The following CCNH variants were observed in gnomAD, a reference collection of about 807,000 sequenced individuals.
CCNH encodes cyclin H.
A neutral mutation model predicts 41.9 loss-of-function variants in CCNH; 31 were observed. The observed-to-expected ratio is 0.74, with a 90% CI of 0.56 to 1.00. The LOEUF is 1.00. CCNH is among the 50% of genes least tolerant of loss of function. CCNH has a pLI of 0.00. For synonymous variants in CCNH, 138 were observed against 136.1 expected, an observed-to-expected ratio of 1.01 and a Z score of -0.10; for missense variants, 362 against 388.4, an observed-to-expected ratio of 0.93 and a Z score of 0.57.
chr5:87,335,083 T>C (rs1201159716), intron 9 of CCNH, among the ~76,000 whole-genome samples: 1 of 152,160 alleles, frequency 6.6e-6, no homozygotes, highest in African/African-American at 2.4e-5. Flanking sequence ...GGTTTTGCCA[T>C]GTTGGCCAGG....
At chr5:87,397,334 A>AT (rs1452199536) in intron 7 of CCNH, among the ~76,000 whole-genome samples, 1 of 151,852 alleles carries the variant, frequency 6.6e-6, no homozygotes, top group African/African-American at 2.4e-5. Flanking sequence ...TGATTATTGT[A>AT]TTTTTAGTAG....
intron 9 of CCNH, chr5:87,349,488 T>C: frequency 8.9e-7 from 1 of 1,122,268 alleles, no homozygotes; most frequent in Non-Finnish European, 1.3e-6. Flanking sequence ...AGACCTTCAA[T>C]ATAATTTCAT....
chr5:87,324,264 G>A (rs575765773), intron 9 of CCNH, among the ~76,000 whole-genome samples: 2 of 152,302 alleles, frequency 1.3e-5, no homozygotes, highest in South Asian at 2.1e-4. Flanking sequence ...CCTCCTGCTA[G>A]TAGGTATTGT....
At position 87,394,405 on chromosome 5, in the gene CCNH, T is replaced by C. The variant is rs765806530; in HGVS notation, c.*41A>G. 7 of 1,601,914 alleles carry C rather than the reference T, an allele frequency of 4.4e-6. No homozygotes were observed. The African/African-American group carries it at 8.1e-5, about 18-fold the overall frequency. ...GTTAAACGTTTGATATGCTTCCTACTTCTCTTGATTAGTTAGCATTGAGAA... is the reference window on the plus strand; with the variant it reads ...GTTAAACGTTTGATATGCTTCCTACCTCTCTTGATTAGTTAGCATTGAGAA... On this transcript the variant is annotated 3_prime_UTR_variant, in exon 9 of 9. Transcript: ENST00000256897.
Position 87,358,589 on chromosome 5 carries a change from C to T in CCNH, c.*90+34181G>A, listed in dbSNP as rs75968164. On this transcript the variant is annotated intron_variant and NMD_transcript_variant, in intron 9 of 9. Transcript: ENST00000645953. ...TAGCTTTGTCCCCTTATGCTGCATGCTGCGCAGCAGTCACTGGGATCCATT... is the reference window on the plus strand; with the variant it reads ...TAGCTTTGTCCCCTTATGCTGCATGTTGCGCAGCAGTCACTGGGATCCATT... Among the ~76,000 whole-genome samples the T allele has an allele frequency of 7.5e-3, 1,136 of 152,274 alleles. 18 individuals carry two copies. Among genetic ancestry groups the T allele is most frequent in the African/African-American group, 0.026 (1,098 of 41,560 alleles).
chr5:87,342,560 T>A (rs919204668), intron 9 of CCNH, among the ~76,000 whole-genome samples: 2 of 152,150 alleles, frequency 1.3e-5, no homozygotes, highest in Non-Finnish European at 2.9e-5. Flanking sequence ...TTAGACACAA[T>A]AATCTTGATC....
At chr5:87,389,673 A>T, downstream of CCNH, 1 of 1,114,170 alleles carries the variant, frequency 9.0e-7, no homozygotes, top group South Asian at 1.4e-5. Flanking sequence ...ATCTCAGCAG[A>T]CAGAAATAAC....
intron 5 of CCNH, among the ~76,000 whole-genome samples, chr5:87,403,936 A>G (rs1199790770): frequency 6.6e-6 from 1 of 152,252 alleles, no homozygotes; most frequent in Non-Finnish European, 1.5e-5. Flanking sequence ...CATAGAAGGT[A>G]TCTAATAAAT....
chr5:87,367,048 AAAC>A (rs1184754335), intron 9 of CCNH, among the ~76,000 whole-genome samples: 3 of 152,200 alleles, frequency 2.0e-5, no homozygotes, highest in Non-Finnish European at 4.4e-5. Flanking sequence ...ACTAAACCAA[AAAC>A]AACAACAAAA....
At chr5:87,338,492 C>T (rs112932947) in intron 9 of CCNH, among the ~76,000 whole-genome samples, 2,062 of 114,308 alleles carry the variant, frequency 0.018, 47 homozygotes, top group African/African-American at 0.045. Context: ...CCACCATGCC[C>T]AGCTAATTTT....
chr5:87,348,403 G>A (rs1246938988), intron 9 of CCNH, among the ~76,000 whole-genome samples: 2 of 151,940 alleles, frequency 1.3e-5, no homozygotes, highest in African/African-American at 4.8e-5. Context: ...AAAAGGCAGA[G>A]CATCTATGTA....
At chr5:87,336,814 C>T (rs1359214136) in intron 9 of CCNH, among the ~76,000 whole-genome samples, 2 of 152,008 alleles carry the variant, frequency 1.3e-5, no homozygotes, top group Non-Finnish European at 2.9e-5. Context: ...GTAATGTCTG[C>T]TGCCATTCAG....
intron 9 of CCNH, among the ~76,000 whole-genome samples, chr5:87,320,869 C>T (rs958047464): frequency 6.6e-6 from 1 of 152,154 alleles, no homozygotes; most frequent in Non-Finnish European, 1.5e-5. Flanking sequence ...AAGGTGAAAA[C>T]AAGGTAGTAT....
chr5:87,353,363 T>G lies in CCNH; in HGVS notation c.*91-34466A>C, dbSNP rs1759423492. 1.9e-5 allele frequency: 15 copies of G among 797,780 alleles called. 1 individual carries two copies. In the South Asian group the frequency reaches 2.4e-4, roughly 13 times the overall value. The allele number at this position is 797,780 out of a possible 1,614,324, so 49.4% of individuals were successfully genotyped here. A position where few individuals can be genotyped will look rare whatever the true frequency, so the allele number is the denominator to read the frequency against. On this transcript the variant is annotated intron_variant and NMD_transcript_variant, in intron 9 of 9. Transcript: ENST00000645953. ...TTAAAACTACAGATTATTTAGATTT[T>G]TTTAGAAAGTCAACTGTAAGAATCT...
intron 9 of CCNH, among the ~76,000 whole-genome samples, chr5:87,362,058 T>C (rs1760142779): frequency 6.6e-6 from 1 of 152,140 alleles, no homozygotes; most frequent in South Asian, 2.1e-4. Flanking sequence ...AGGGAACTGT[T>C]AGGTATTTGA....
At chr5:87,348,705 C>T (rs1475209696) in intron 9 of CCNH, among the ~76,000 whole-genome samples, 2 of 151,376 alleles carry the variant, frequency 1.3e-5, no homozygotes, top group Non-Finnish European at 1.5e-5. Flanking sequence ...CTCCTGGGCT[C>T]AAGTGATCCT....
chr5:87,332,463 G>A (rs1757671508), intron 9 of CCNH: 2 of 1,546,710 alleles, frequency 1.3e-6, no homozygotes, highest in Non-Finnish European at 1.8e-6. Context: ...TTTAAAATTG[G>A]CTGTAAAGAT....
exon 1 of CCNH, chr5:87,376,856 A>G (rs1310294349): frequency 3.2e-6 from 5 of 1,567,978 alleles, no homozygotes; most frequent in Non-Finnish European, 4.4e-6. Flanking sequence ...CGTACTTTAA[A>G]CAATCTTTTA....
chr5:87,411,152 A>C (rs1162509176), intron 2 of CCNH, 72 bp downstream of exon 2: 2 of 1,452,148 alleles, frequency 1.4e-6, no homozygotes, highest in African/African-American at 2.9e-5. Context: ...TTGAGTGGAC[A>C]GGGAATTTAG....
Sources: gnomAD v4.1 joint callset for allele counts (sites outside exome capture counted in the v4.1 genomes callset) on GRCh38, gnomAD v4.1.1 for gene constraint, MANE v1.5 for transcripts, NCBI Gene and HGNC (gene_info 2026-07-23, HGNC 2026-07-21) for gene names.